LPP: variants seen among roughly 807,000 people sequenced by gnomAD.
LPP encodes the protein lipoma-preferred partner.
Under a neutral mutation model 60.4 loss-of-function variants are expected in LPP, and 38 were observed. That is an observed-to-expected ratio of 0.63 (90% CI 0.49 to 0.83). The LOEUF (loss-of-function observed/expected upper bound fraction) is 0.83, where lower values mean the gene tolerates loss of function less well. LPP is among the 40% of genes least tolerant of loss of function. LPP has a pLI of 0.00. For missense variants in LPP, 902 were observed against 783.6 expected, an observed-to-expected ratio of 1.15 and a Z score of -1.80; for synonymous variants, 328 against 290.8, an observed-to-expected ratio of 1.13 and a Z score of -1.30.
chr3:188,299,625 A>T (rs1418065691), intron 2 of LPP, among the ~76,000 whole-genome samples: 2 of 152,306 alleles, frequency 1.3e-5, no homozygotes, highest in Middle Eastern at 3.4e-3. Flanking sequence ...TCCCACTGTG[A>T]GGTGAGGCAT....
chr3:188,374,743 G>A (rs924742376), intron 3 of LPP, among the ~76,000 whole-genome samples: 17 of 152,040 alleles, frequency 1.1e-4, no homozygotes, highest in African/African-American at 2.4e-4. Flanking sequence ...CCAACACTAC[G>A]TTGAATAGGA....
At chr3:188,239,509 A>G (rs1414675282) in intron 2 of LPP, among the ~76,000 whole-genome samples, 1 of 152,064 alleles carries the variant, frequency 6.6e-6, no homozygotes, top group Admixed American at 6.5e-5. Context: ...TTTTCTTACT[A>G]TCGCTATTGG....
At position 188,750,615 on chromosome 3, in the gene LPP, C is replaced by T. The variant is rs190663253; in HGVS notation, c.1241-9498C>T. On this transcript the variant is annotated intron_variant, in intron 8 of 11. Transcript: ENST00000617246. Reference sequence around the variant, plus strand: ...ACCACTGCACTCCAACCTGGGCAACCGAGTGAGACTCCATCTCAAAAAATA... The same window carrying T: ...ACCACTGCACTCCAACCTGGGCAACTGAGTGAGACTCCATCTCAAAAAATA... Among the ~76,000 whole-genome samples the T allele has an allele frequency of 1.2e-3, 176 of 152,040 alleles. 2 individuals are homozygous for T. Among genetic ancestry groups the T allele is most frequent in the African/African-American group, 4.0e-3 (166 of 41,470 alleles).
At chr3:188,289,753 G>C (rs1048284410) in intron 2 of LPP, among the ~76,000 whole-genome samples, 4 of 152,194 alleles carry the variant, frequency 2.6e-5, no homozygotes, top group African/African-American at 4.8e-5. Flanking sequence ...TGGATGTTTA[G>C]AGAGAAAATG....
chr3:188,253,991 A>ATTC (rs1730808519), intron 2 of LPP, among the ~76,000 whole-genome samples: 1 of 152,266 alleles, frequency 6.6e-6, no homozygotes, highest in Admixed American at 6.5e-5. Context: ...GAATTTGGGA[A>ATTC]GTTTTGCAAG....
chr3:188,339,462 A>G (rs1762484290), intron 2 of LPP, among the ~76,000 whole-genome samples: 1 of 152,210 alleles, frequency 6.6e-6, no homozygotes, highest in Non-Finnish European at 1.5e-5. Context: ...CACGTAATTT[A>G]TAAAGAAAGA....
intron 2 of LPP, among the ~76,000 whole-genome samples, chr3:188,250,728 T>TTCTTTCTC (rs1728865735): frequency 4.1e-5 from 1 of 24,468 alleles, no homozygotes. Flanking sequence ...CTTTCTCTCT[T>TTCTTTCTC]TCTTTCTTTC....
intron 1 of LPP, among the ~76,000 whole-genome samples, chr3:188,210,777 C>A (rs572541557): frequency 1.3e-5 from 2 of 152,122 alleles, no homozygotes; most frequent in South Asian, 4.2e-4. Flanking sequence ...ATGGAATAAT[C>A]TCCTTTCTTT....
intron 6 of LPP, among the ~76,000 whole-genome samples, chr3:188,570,165 G>T (rs539700139): frequency 2.2e-4 from 34 of 152,114 alleles, no homozygotes; most frequent in African/African-American, 8.2e-4. Flanking sequence ...GGGTAAAAGT[G>T]ACAGGCCTTG....
At chr3:188,216,269 C>T (rs1713535063) in intron 1 of LPP, among the ~76,000 whole-genome samples, 2 of 143,332 alleles carry the variant, frequency 1.4e-5, no homozygotes, top group South Asian at 2.3e-4. Context: ...TCTTCTTCTT[C>T]TTCCTTTTTT....
chr3:188,296,743 C>A (rs759880383), intron 2 of LPP, among the ~76,000 whole-genome samples: 5 of 152,186 alleles, frequency 3.3e-5, no homozygotes, highest in Non-Finnish European at 7.3e-5. Flanking sequence ...ATAGCTCCTG[C>A]ACTCAATAAC....
At chr3:188,872,057 T>C (rs1280574597) in intron 10 of LPP, among the ~76,000 whole-genome samples, 6 of 152,204 alleles carry the variant, frequency 3.9e-5, no homozygotes, top group South Asian at 2.1e-4. Flanking sequence ...ATGTAGGAAA[T>C]GCAGACTTGG....
chr3:188,462,584 ATGCATGTGTGTG>A (rs61392100), intron 4 of LPP, among the ~76,000 whole-genome samples: 13 of 20,068 alleles, frequency 6.5e-4, no homozygotes, highest in South Asian at 3.1e-3. Flanking sequence ...ATATATATAT[ATGCATGTGTGTG>A]TGTGTGTGTG....
At chr3:188,229,356 G>A (rs7637251) in intron 2 of LPP, among the ~76,000 whole-genome samples, 2,674 of 152,174 alleles carry the variant, frequency 0.018, 68 homozygotes, top group African/African-American at 0.056. Context: ...TGTTGATACC[G>A]GTTTACAATT....
chr3:188,744,636 C>T (rs1194807831), intron 8 of LPP, among the ~76,000 whole-genome samples: 1 of 152,060 alleles, frequency 6.6e-6, no homozygotes, highest in East Asian at 1.9e-4. Flanking sequence ...AGGTCAAAAA[C>T]ATTATTTTCT....
intron 1 of LPP, among the ~76,000 whole-genome samples, chr3:188,188,105 T>G (rs1727127209): frequency 6.6e-6 from 1 of 152,232 alleles, no homozygotes; most frequent in East Asian, 1.9e-4. Flanking sequence ...CATAAAGCCT[T>G]TTCATTAAAT....
intron 5 of LPP, among the ~76,000 whole-genome samples, chr3:188,496,090 T>G (rs968675511): frequency 2.0e-5 from 3 of 152,136 alleles, no homozygotes; most frequent in African/African-American, 7.2e-5. Context: ...GAGTTTGACT[T>G]GTACAGGGCC....
intron 4 of LPP, 133 bp downstream of exon 4, chr3:188,406,446 G>A: frequency 1.2e-6 from 1 of 802,016 alleles, no homozygotes; most frequent in Non-Finnish European, 1.9e-6. Context: ...GCTACTAAAA[G>A]TAAAGGAGCC....
At chr3:188,465,356 G>A (rs1800127207) in intron 4 of LPP, among the ~76,000 whole-genome samples, 1 of 152,170 alleles carries the variant, frequency 6.6e-6, no homozygotes, top group Non-Finnish European at 1.5e-5. Flanking sequence ...ACTATTCGGT[G>A]TTATGTCCAA....
Sources: gnomAD v4.1 joint callset for allele counts (sites outside exome capture counted in the v4.1 genomes callset) on GRCh38, gnomAD v4.1.1 for gene constraint, MANE v1.5 for transcripts, NCBI Gene and HGNC (gene_info 2026-07-23, HGNC 2026-07-21) for gene names.